Variants in PRKN observed in about 807,000 individuals in gnomAD.
PRKN encodes parkin RBR E3 ubiquitin protein ligase, also known as E3 ubiquitin-protein ligase parkin.
In PRKN, 56 loss-of-function variants were observed where a neutral mutation model predicts 59.5. The observed-to-expected ratio is 0.94, with a 90% CI of 0.76 to 1.18. The LOEUF (loss-of-function observed/expected upper bound fraction) is 1.18. Among genes scored for constraint, PRKN ranks in the 50% most tolerant of loss-of-function variants. The pLI is 0.00. For synonymous variants in PRKN, 250 were observed against 222.1 expected (o/e 1.13, Z -1.12); for missense variants, 657 against 596.4 (o/e 1.10, Z -1.06).
At chr6:162,613,511 T>C (rs371274863) in intron 1 of PRKN, among the ~76,000 whole-genome samples, 4 of 152,312 alleles carry the variant, frequency 2.6e-5, no homozygotes, top group African/African-American at 7.2e-5. Flanking sequence ...GGTGCAGTTG[T>C]TTAACGGTGA....
At chr6:162,535,516 T>C (rs1007266212) in intron 1 of PRKN, among the ~76,000 whole-genome samples, 1 of 151,988 alleles carries the variant, frequency 6.6e-6, no homozygotes. Context: ...TGTGTGTCTA[T>C]ATATATATAA....
intron 5 of PRKN, among the ~76,000 whole-genome samples, chr6:162,027,553 A>G (rs1026287097): frequency 6.6e-6 from 1 of 152,238 alleles, no homozygotes; most frequent in African/African-American, 2.4e-5. Flanking sequence ...AAGAAATATC[A>G]GCAATTTCTT....
At chr6:162,400,456 T>TAAAA (rs750247669) in intron 2 of PRKN, among the ~76,000 whole-genome samples, 34 of 55,562 alleles carry the variant, frequency 6.1e-4, no homozygotes, top group Non-Finnish European at 6.9e-4. Flanking sequence ...CATGTAAATA[T>TAAAA]CAAAAAAAAA....
Position 161,738,031 on chromosome 6 carries a change from G to A in PRKN, c.871+47741C>T, listed in dbSNP as rs150918656. Among the ~76,000 whole-genome samples, 616 of 152,288 alleles carry A rather than the reference G, an allele frequency of 4.0e-3. 7 individuals are homozygous for A. Among genetic ancestry groups the A allele is most frequent in the African/African-American group, 0.014 (582 of 41,564 alleles). On this transcript the variant is annotated intron_variant, in intron 7 of 11. Transcript: ENST00000366898. Reference sequence around the variant, plus strand: ...TATTTGAACCTGGCCTGCCTTGATTGATAAGACTTCAATATCAAATGTAGC... The same window carrying A: ...TATTTGAACCTGGCCTGCCTTGATTAATAAGACTTCAATATCAAATGTAGC...
intron 10 of PRKN, among the ~76,000 whole-genome samples, chr6:161,370,591 C>CAAAAA (rs560655971): frequency 1.7e-5 from 1 of 57,828 alleles, no homozygotes; most frequent in Non-Finnish European, 3.0e-5. Context: ...GACTCTGTGT[C>CAAAAA]AAAAAAAAAA....
intron 6 of PRKN, among the ~76,000 whole-genome samples, chr6:161,957,128 G>C (rs1780198925): frequency 6.6e-6 from 1 of 152,192 alleles, no homozygotes; most frequent in South Asian, 2.1e-4. Flanking sequence ...GTAAAGTCTT[G>C]CAGTAGGAGA....
At chr6:161,568,206 C>A (rs1228233974) in intron 8 of PRKN, among the ~76,000 whole-genome samples, 1 of 152,176 alleles carries the variant, frequency 6.6e-6, no homozygotes, top group Non-Finnish European at 1.5e-5. Context: ...CAAAAACACA[C>A]AAACCAAAAA....
rs1554244227 is a variant in PRKN at position 161,897,984 on chromosome 6, A to AAAAAAAAAAAAAAAAAAAAT, written c.734+75317_734+75318insATTTTTTTTTTTTTTTTTTT. On this transcript the variant is annotated intron_variant, in intron 6 of 11. Coordinates refer to ENST00000366898, the MANE Select transcript of PRKN (RefSeq NM_004562.3). ...TCCGTCTCAAAAAAAAAAAAAAAAAAGTCTCCCAGTTGCATAGAAAAGGTT... is the reference window on the plus strand; with the variant it reads ...TCCGTCTCAAAAAAAAAAAAAAAAAAAAAAAAAAAAAAAAAAAAATGTCTCCCAGTTGCATAGAAAAGGTT... Among the ~76,000 whole-genome samples the AAAAAAAAAAAAAAAAAAAAT allele has an allele frequency of 5.2e-3, 614 of 117,592 alleles. 95 individuals carry two copies. Among genetic ancestry groups the AAAAAAAAAAAAAAAAAAAAT allele is most frequent in the African/African-American group, 0.024 (581 of 23,948 alleles). 77.1% of individuals were successfully genotyped at this position (117,592 alleles called of 152,430 possible).
chr6:161,494,894 C>A (rs954727017), intron 9 of PRKN, among the ~76,000 whole-genome samples: 19 of 152,180 alleles, frequency 1.2e-4, no homozygotes, highest in African/African-American at 4.3e-4. Context: ...TTCTAGGACT[C>A]CTCTCCCTTG....
intron 6 of PRKN, among the ~76,000 whole-genome samples, chr6:161,849,058 GCTAGA>G (rs1793315964): frequency 6.6e-6 from 1 of 152,202 alleles, no homozygotes; most frequent in South Asian, 2.1e-4. Flanking sequence ...CAGATGAGGT[GCTAGA>G]CTTAATTCAG....
chr6:162,554,622 T>A (rs1169915723), intron 1 of PRKN, among the ~76,000 whole-genome samples: 1 of 130,552 alleles, frequency 7.7e-6, no homozygotes, highest in Admixed American at 8.2e-5. Flanking sequence ...CAGATGACAG[T>A]GGCAACACGG....
chr6:162,479,204 A>G (rs1792172950), intron 1 of PRKN, among the ~76,000 whole-genome samples: 1 of 144,512 alleles, frequency 6.9e-6, no homozygotes, highest in African/African-American at 2.5e-5. Flanking sequence ...TTTCCACCTT[A>G]AAAAAAAAAA....
intron 1 of PRKN, among the ~76,000 whole-genome samples, chr6:162,644,304 G>A (rs1281258593): frequency 6.6e-6 from 1 of 152,166 alleles, no homozygotes; most frequent in African/African-American, 2.4e-5. Context: ...CTCTGAGCTG[G>A]AGAAGCACAC....
chr6:161,747,047 T>G (rs900473774), intron 7 of PRKN, among the ~76,000 whole-genome samples: 1 of 152,100 alleles, frequency 6.6e-6, no homozygotes, highest in East Asian at 1.9e-4. Flanking sequence ...TTTCAAGCAT[T>G]CATAAGCATT....
intron 6 of PRKN, among the ~76,000 whole-genome samples, chr6:161,886,979 T>C (rs1166478717): frequency 6.6e-6 from 1 of 152,164 alleles, no homozygotes; most frequent in Non-Finnish European, 1.5e-5. Context: ...GAAAGATGTG[T>C]AGAAATTATT....
intron 1 of PRKN, among the ~76,000 whole-genome samples, chr6:162,700,151 T>C (rs1778102395): frequency 6.6e-6 from 1 of 152,194 alleles, no homozygotes; most frequent in South Asian, 2.1e-4. Flanking sequence ...TGGACCTCGT[T>C]GGGTTATTGG....
intron 1 of PRKN, among the ~76,000 whole-genome samples, chr6:162,478,931 C>T (rs1360463765): frequency 1.3e-5 from 2 of 152,114 alleles, no homozygotes; most frequent in Non-Finnish European, 2.9e-5. Flanking sequence ...GATCAGGGAG[C>T]GAGTGGCGAG....
chr6:161,554,917 TTTC>T lies in PRKN; in HGVS notation c.934-5917_934-5915del, dbSNP rs1378495888. Reference sequence around the variant, plus strand: ...CTAGATGCCCAAGGAATTTTTTCCATTTCTTTAGAATCCAGGAATTTTGTTAGA... The same window carrying T: ...CTAGATGCCCAAGGAATTTTTTCCATTTTAGAATCCAGGAATTTTGTTAGA... On this transcript the variant is annotated intron_variant, in intron 8 of 11. Coordinates refer to ENST00000366898, the MANE Select transcript of PRKN (RefSeq NM_004562.3). This position sits in a 1 kb window ranked among gnomAD's most constrained non-coding sequence, Gnocchi z 4.5. Among the ~76,000 whole-genome samples the T allele has an allele frequency of 9.9e-5, 15 of 152,072 alleles. No homozygotes were observed. The highest frequency in any genetic ancestry group is 3.3e-4 in the Admixed American group (5 of 15,284).
At chr6:161,600,497 C>T (rs997657867) in intron 7 of PRKN, among the ~76,000 whole-genome samples, 1 of 152,132 alleles carries the variant, frequency 6.6e-6, no homozygotes, top group East Asian at 1.9e-4. Context: ...ATAATTTGGG[C>T]CCAGTTTCTA....
Sources: allele counts gnomAD v4.1 joint callset (sites outside exome capture counted in the v4.1 genomes callset), GRCh38; gene constraint gnomAD v4.1.1; non-coding constraint Gnocchi (gnomAD v3.1); transcripts MANE v1.5; gene names NCBI Gene and HGNC (gene_info 2026-07-23, HGNC 2026-07-21).